The following ANKMY1 variants were observed in gnomAD, a reference collection of about 807,000 sequenced individuals.
The protein encoded by ANKMY1 is ankyrin repeat and MYND domain containing 1.
Under a neutral mutation model 102.0 loss-of-function variants are expected in ANKMY1, and 98 were observed. The ratio of observed to expected loss-of-function variants is 0.96; its 90% CI spans 0.82 to 1.14. ANKMY1 has a LOEUF of 1.14. ANKMY1 is among the 50% of genes most tolerant of loss of function. The probability of loss-of-function intolerance (pLI) is 0.00; values close to 1 mark genes in which losing one functional copy is unlikely to be tolerated. For missense variants in ANKMY1, 1,330 were observed against 1,347.6 expected (o/e 0.99, Z 0.20); for synonymous variants, 582 against 559.9 (o/e 1.04, Z -0.56).
At chr2:240,546,164 G>A (rs1174070625) in intron 4 of ANKMY1, among the ~76,000 whole-genome samples, 14 of 152,136 alleles carry the variant, frequency 9.2e-5, no homozygotes, top group Admixed American at 5.9e-4. Context: ...TGGATCTCTC[G>A]GCAGAAACCC....
the ANKMY1 span, among the ~76,000 whole-genome samples, chr2:240,472,726 G>C: frequency 1.3e-5 from 2 of 152,134 alleles, no homozygotes; most frequent in African/African-American, 4.8e-5. Flanking sequence ...AGACCCAACA[G>C]ATCTTTATCT....
At chr2:240,481,270 G>A (rs1026155683) in intron 16 of ANKMY1, among the ~76,000 whole-genome samples, 173 bp from the exon 17 acceptor site, 1 of 152,116 alleles carries the variant, frequency 6.6e-6, no homozygotes, top group Non-Finnish European at 1.5e-5. Context: ...CCAAGTCCTC[G>A]TCCTGAGGAT....
chr2:240,509,277 G>A (rs562344050), intron 12 of ANKMY1, 71 bp downstream of exon 12: 60 of 1,257,414 alleles, frequency 4.8e-5, no homozygotes, highest in Admixed American at 2.5e-4. Context: ...TCCCAATGAC[G>A]GACTGGTGGG....
chr2:240,485,741 C>T (rs2075982241), intron 15 of ANKMY1, among the ~76,000 whole-genome samples: 1 of 152,094 alleles, frequency 6.6e-6, no homozygotes, highest in Non-Finnish European at 1.5e-5. Flanking sequence ...AGGCCCATGC[C>T]ACCACGTGGG....
chr2:240,495,254 G>A (rs1190415300), intron 15 of ANKMY1, among the ~76,000 whole-genome samples: 1 of 152,082 alleles, frequency 6.6e-6, no homozygotes, highest in Non-Finnish European at 1.5e-5. Context: ...AAAGGTAAAG[G>A]GAGTCTCCCT....
chr2:240,500,649 G>T, intron 13 of ANKMY1, 84 bp from the exon 14 acceptor site: 1 of 1,176,230 alleles, frequency 8.5e-7, no homozygotes, highest in Non-Finnish European at 1.2e-6. Context: ...AAGGGCCATG[G>T]TCACCTGCAG....
intron 8 of ANKMY1, chr2:240,521,931 C>G (rs1346845556): frequency 6.6e-6 from 1 of 152,112 alleles, no homozygotes; most frequent in African/African-American, 2.4e-5. Context: ...TGATGCGGAC[C>G]AAAAAGTGAG....
chr2:240,517,085 T>A (rs2081336625), intron 9 of ANKMY1, among the ~76,000 whole-genome samples: 1 of 152,232 alleles, frequency 6.6e-6, no homozygotes, highest in Non-Finnish European at 1.5e-5. Context: ...TATTTTTAAT[T>A]CATGGCAATG....
At chr2:240,559,804 A>C (rs1575420493), upstream of ANKMY1, among the ~76,000 whole-genome samples, 1 of 152,236 alleles carries the variant, frequency 6.6e-6, no homozygotes, top group East Asian at 1.9e-4. Context: ...CAATGCTAGA[A>C]GGCTGATGGA....
chr2:240,515,332 C>T (rs1228864814), intron 9 of ANKMY1, among the ~76,000 whole-genome samples: 3 of 152,078 alleles, frequency 2.0e-5, no homozygotes, highest in African/African-American at 7.2e-5. Context: ...GTCAGGAGTT[C>T]AAGACCAGCC....
intron 3 of ANKMY1, chr2:240,553,322 A>C: frequency 2.2e-6 from 1 of 462,908 alleles, no homozygotes; most frequent in Non-Finnish European, 4.0e-6. Context: ...CTACCTAGAC[A>C]TCCTGAGTCA....
At chr2:240,558,022 C>T, upstream of ANKMY1, 1 of 967,764 alleles carries the variant, frequency 1.0e-6, no homozygotes, top group Non-Finnish European at 1.2e-6. Flanking sequence ...GACAGCCCCG[C>T]CCCATGCCCG....
chr2:240,548,954 G>A (rs1262652179), intron 4 of ANKMY1, among the ~76,000 whole-genome samples: 1 of 152,136 alleles, frequency 6.6e-6, no homozygotes, highest in Non-Finnish European at 1.5e-5. Flanking sequence ...GTAATTTACA[G>A]ATTCAATGCC....
intron 4 of ANKMY1, among the ~76,000 whole-genome samples, chr2:240,549,505 T>C (rs2091105567): frequency 6.6e-6 from 1 of 152,142 alleles, no homozygotes; most frequent in African/African-American, 2.4e-5. Flanking sequence ...AAAGCCAAAA[T>C]TGACAAATGG....
At chr2:240,476,321 C>T (rs755642590), downstream of ANKMY1, among the ~76,000 whole-genome samples, 3 of 152,158 alleles carry the variant, frequency 2.0e-5, no homozygotes, top group South Asian at 2.1e-4. Context: ...CCTTATCTTA[C>T]ACCATATACC....
chr2:240,518,023 A>C (rs995494946), intron 9 of ANKMY1, among the ~76,000 whole-genome samples: 2 of 152,016 alleles, frequency 1.3e-5, no homozygotes, highest in African/African-American at 4.8e-5. Flanking sequence ...GCTGCCCACG[A>C]CGCCCCTCCT....
chr2:240,553,198 C>T lies in ANKMY1; in HGVS notation c.337-141G>A, dbSNP rs181875115. 1.6e-4 allele frequency: 164 copies of T among 1,022,348 alleles called. 1 individual carries two copies. The Admixed American group carries it at 2.1e-3, about 13-fold the overall frequency. The allele number at this position is 1,022,348 out of a possible 1,614,324, so 63.3% of individuals were successfully genotyped here. A position where few individuals can be genotyped will look rare whatever the true frequency, so the allele number is the denominator to read the frequency against. ...GCAGAACTCAGGGATGCCTGGCATG[C>T]GACTATTAGAGTCGGCAACTGAAGC... On this transcript the variant is annotated intron_variant, in intron 3 of 17. Transcript: ENST00000401804.
intron 4 of ANKMY1, among the ~76,000 whole-genome samples, chr2:240,546,290 C>T (rs892484933): frequency 3.5e-4 from 52 of 150,616 alleles, no homozygotes; most frequent in South Asian, 3.1e-3. Context: ...AAATAAAATA[C>T]TTTACAGACA....
intron 8 of ANKMY1, chr2:240,522,681 T>C (rs920996000): frequency 1.3e-5 from 2 of 152,164 alleles, no homozygotes; most frequent in African/African-American, 2.4e-5. Context: ...CACCTGGCAA[T>C]GGTTCAACAT....
Sources: allele counts gnomAD v4.1 joint callset (sites outside exome capture counted in the v4.1 genomes callset), GRCh38; gene constraint gnomAD v4.1.1; transcripts MANE v1.5; gene names NCBI Gene and HGNC (gene_info 2026-07-23, HGNC 2026-07-21).